The following PIP5K1B variants were observed in gnomAD, a reference collection of about 807,000 sequenced individuals.
PIP5K1B encodes the protein phosphatidylinositol 4-phosphate 5-kinase type-1 beta.
Under a neutral mutation model 67.0 loss-of-function variants are expected in PIP5K1B, and 42 were observed. The ratio of observed to expected loss-of-function variants is 0.63; its 90% CI spans 0.49 to 0.81. The LOEUF is 0.81. PIP5K1B is among the 30% of genes least tolerant of loss of function. The pLI, the probability that PIP5K1B is intolerant of heterozygous loss-of-function variation, is 0.00. For missense variants in PIP5K1B, 459 were observed against 646.3 expected, an observed-to-expected ratio of 0.71 and a Z score of 3.14; for synonymous variants, 214 against 231.4, an observed-to-expected ratio of 0.92 and a Z score of 0.68.
intron 14 of PIP5K1B, among the ~76,000 whole-genome samples, chr9:68,955,932 G>T (rs1263129251): frequency 6.6e-6 from 1 of 152,058 alleles, no homozygotes; most frequent in Non-Finnish European, 1.5e-5. Context: ...TTTATTTAAT[G>T]CACCCATCAA....
Position 68,935,050 on chromosome 9 carries a change from A to C in PIP5K1B, c.1357+5A>C, listed in dbSNP as rs753979117. 1.9e-6 allele frequency: 3 copies of C among 1,609,962 alleles called. No homozygotes were observed. The highest frequency in any genetic ancestry group is 2.2e-5 in the East Asian group (1 of 44,762). ...TTAGCAGCCTTGATGAAGAAGGTAA[A>C]GATATGTAACTTTTTTAAAAAGACA... On this transcript the variant is annotated splice_donor_5th_base_variant and intron_variant, in intron 13 of 15. Transcript: ENST00000265382.
intron 2 of PIP5K1B, among the ~76,000 whole-genome samples, chr9:68,747,789 C>A (rs1829397075): frequency 6.6e-6 from 1 of 152,062 alleles, no homozygotes; most frequent in Non-Finnish European, 1.5e-5. Flanking sequence ...ATCATAATAT[C>A]TTAGCTAGAA....
At chr9:68,833,421 A>C (rs534536419) in intron 4 of PIP5K1B, among the ~76,000 whole-genome samples, 1 of 152,360 alleles carries the variant, frequency 6.6e-6, no homozygotes, top group East Asian at 1.9e-4. Flanking sequence ...GTGTGATGCA[A>C]GGTTCTGAGC....
rs73646763 is a variant in PIP5K1B at position 68,804,527 on chromosome 9, C to T, written c.-85-13934C>T. ...AACTGGACAGTCTGTGCATTCCCAT[C>T]CTGGCTCCAACTGTATGACCTTGGG... On this transcript the variant is annotated intron_variant, in intron 2 of 15. Transcript: ENST00000265382. Among the ~76,000 whole-genome samples, 447 of 152,076 alleles carry T rather than the reference C, an allele frequency of 2.9e-3. 3 individuals carry two copies. Among genetic ancestry groups the T allele is most frequent in the African/African-American group, 0.01 (423 of 41,476 alleles).
chr9:68,925,795 A>ATTTTTTTCTTTTTTTTTTTTTTTTTTTT (rs1826661082), intron 12 of PIP5K1B, among the ~76,000 whole-genome samples: 1 of 73,296 alleles, frequency 1.4e-5, no homozygotes, highest in African/African-American at 5.7e-5. Context: ...TGTGGTTCCA[A>ATTTTTTTCTTTTTTTTTTTTTTTTTTTT]TTTTTTTTTT....
intron 2 of PIP5K1B, among the ~76,000 whole-genome samples, chr9:68,767,118 T>C (rs1830464213): frequency 6.6e-6 from 1 of 152,206 alleles, no homozygotes; most frequent in South Asian, 2.1e-4. Context: ...ATGGTCACAT[T>C]ACTATTTCAA....
chr9:68,881,745 C>T (rs1204355825), intron 6 of PIP5K1B, among the ~76,000 whole-genome samples: 2 of 152,190 alleles, frequency 1.3e-5, no homozygotes, highest in Non-Finnish European at 1.5e-5. Context: ...TGCAAACTTT[C>T]CTTCTTCCTT....
At chr9:68,960,328 T>C (rs971723156) in intron 14 of PIP5K1B, among the ~76,000 whole-genome samples, 4 of 152,232 alleles carry the variant, frequency 2.6e-5, no homozygotes, top group Non-Finnish European at 5.9e-5. Flanking sequence ...TTTTTCTTAA[T>C]TGTCTTGGAG....
chr9:68,973,282 G>GA (rs200054446), intron 14 of PIP5K1B, among the ~76,000 whole-genome samples: 1,923 of 150,536 alleles, frequency 0.013, 19 homozygotes, highest in Non-Finnish European at 0.02. Flanking sequence ...ACATTAACAA[G>GA]AAAAAAAAAT....
chr9:68,934,965 C>A lies in PIP5K1B; in HGVS notation c.1277C>A (p.Ser426Tyr). 4 of 1,613,644 alleles carry A rather than the reference C, an allele frequency of 2.5e-6. No homozygotes were observed. The highest frequency in any genetic ancestry group is 2.5e-6 in the Non-Finnish European group (3 of 1,179,720). Residue 426 changes from serine (S) to tyrosine (Y), a missense_variant, in exon 13 of 16, where the codon TCC becomes TAC. Ser to Tyr is a moderately radical substitution (Grantham distance 144, BLOSUM62 -2). This residue lies in a region of PIP5K1B where 169 missense variants were observed against 171.9 expected (regional missense o/e 0.98). Transcript: ENST00000265382. ...ALKATSQEIV[S>Y]SISQEWKDEK... ...AAGGCCACTTCACAGGAGATTGTGT[C>A]CTCAATTAGCCAGGAATGGAAGGAT...
At chr9:68,733,107 G>A (rs1336856551) in intron 1 of PIP5K1B, among the ~76,000 whole-genome samples, 1 of 152,190 alleles carries the variant, frequency 6.6e-6, no homozygotes, top group Non-Finnish European at 1.5e-5. Flanking sequence ...TACTTGTGTA[G>A]TTGAATTGGT....
chr9:68,773,773 A>G (rs1830776090), intron 2 of PIP5K1B, among the ~76,000 whole-genome samples: 1 of 152,186 alleles, frequency 6.6e-6, no homozygotes, highest in South Asian at 2.1e-4. Context: ...AGTTTTAAGG[A>G]TTAGATTAAG....
At chr9:68,808,486 G>A (rs1832990983) in intron 2 of PIP5K1B, among the ~76,000 whole-genome samples, 1 of 152,152 alleles carries the variant, frequency 6.6e-6, no homozygotes, top group African/African-American at 2.4e-5. Context: ...ATCATTGCAG[G>A]ACATCATGCA....
chr9:68,839,159 A>C (rs145388476), intron 4 of PIP5K1B, among the ~76,000 whole-genome samples: 1,566 of 152,338 alleles, frequency 0.01, 12 homozygotes, highest in Non-Finnish European at 0.016. Context: ...CTTTTGCCTG[A>C]AAGTCTGTGC....
At chr9:68,851,559 G>T (rs1391841551) in intron 4 of PIP5K1B, among the ~76,000 whole-genome samples, 1 of 152,220 alleles carries the variant, frequency 6.6e-6, no homozygotes, top group Admixed American at 6.5e-5. Context: ...TGGGAGACGG[G>T]AGTAACCGGT....
At chr9:68,952,091 G>A (rs1371155807) in intron 14 of PIP5K1B, among the ~76,000 whole-genome samples, 1 of 151,984 alleles carries the variant, frequency 6.6e-6, no homozygotes, top group African/African-American at 2.4e-5. Context: ...GATCGATATT[G>A]AGTGTTTTAT....
intron 1 of PIP5K1B, among the ~76,000 whole-genome samples, chr9:68,732,211 G>A (rs1587356968): frequency 6.6e-6 from 1 of 152,206 alleles, no homozygotes; most frequent in Non-Finnish European, 1.5e-5. Context: ...TCAGTTATTT[G>A]CAGGTGTGTC....
chr9:68,919,670 T>C lies in PIP5K1B; in HGVS notation c.1068-11T>C, dbSNP rs1471779590. On this transcript the variant is annotated splice_polypyrimidine_tract_variant and intron_variant, in intron 10 of 15. Transcript: ENST00000265382. Reference sequence around the variant, plus strand: ...TTACATTCTCATTTCAATTTTTCCATTTATATTTAGGTTAATGAAGAAGTT... The same window carrying C: ...TTACATTCTCATTTCAATTTTTCCACTTATATTTAGGTTAATGAAGAAGTT... 1.3e-6 allele frequency: 2 copies of C among 1,518,600 alleles called. No homozygotes were observed. Among genetic ancestry groups the C allele is most frequent in the Non-Finnish European group, 1.8e-6 (2 of 1,096,694 alleles). The allele number at this position is 1,518,600 out of a possible 1,614,324, so 94.1% of individuals were successfully genotyped here.
intron 5 of PIP5K1B, among the ~76,000 whole-genome samples, chr9:68,866,260 C>T (rs1019512747): frequency 3.3e-5 from 5 of 149,984 alleles, no homozygotes; most frequent in African/African-American, 1.2e-4. Flanking sequence ...CCTGCCACTG[C>T]ACTCCAGTCT....
Sources: allele counts gnomAD v4.1 joint callset (sites outside exome capture counted in the v4.1 genomes callset), GRCh38; gene constraint gnomAD v4.1.1; regional missense constraint gnomAD v4.1.1; transcripts MANE v1.5; gene names NCBI Gene and HGNC (gene_info 2026-07-23, HGNC 2026-07-21).